The following PTPN14 variants were observed in gnomAD, a reference collection of about 807,000 sequenced individuals.
PTPN14 encodes protein tyrosine phosphatase non-receptor type 14.
A neutral mutation model predicts 126.8 loss-of-function variants in PTPN14; 53 were observed. The ratio of observed to expected loss-of-function variants is 0.42; its 90% CI spans 0.34 to 0.53. The LOEUF is 0.53. Ranked by LOEUF, PTPN14 falls within the 20% of genes least tolerant of loss-of-function variation. The probability of loss-of-function intolerance (pLI) is 0.08; values close to 1 mark genes in which losing one functional copy is unlikely to be tolerated. For missense variants in PTPN14, 1,257 were observed against 1,552.9 expected, an observed-to-expected ratio of 0.81 and a Z score of 3.20; for synonymous variants, 630 against 599.3, an observed-to-expected ratio of 1.05 and a Z score of -0.75.
chr1:214,531,405 T>C (rs1215293065), intron 1 of PTPN14: 1 of 151,890 alleles, frequency 6.6e-6, no homozygotes, highest in African/African-American at 2.4e-5. Flanking sequence ...ATTTTTGACG[T>C]TTCTCCGCCA....
chr1:214,449,038 A>C (rs1660213132), intron 3 of PTPN14, among the ~76,000 whole-genome samples: 1 of 49,356 alleles, frequency 2.0e-5, no homozygotes. Context: ...ACGGAGTCTC[A>C]CTCTTTCGCC....
intron 1 of PTPN14, among the ~76,000 whole-genome samples, chr1:214,503,128 C>T (rs1183291446): frequency 1.3e-5 from 2 of 152,098 alleles, no homozygotes; most frequent in African/African-American, 2.4e-5. Context: ...CATGTCACTA[C>T]AAGCAAATTT....
chr1:214,502,058 CAAA>C (rs60034306), intron 1 of PTPN14, among the ~76,000 whole-genome samples: 9,807 of 70,616 alleles, frequency 0.14, 290 homozygotes, highest in African/African-American at 0.2. Flanking sequence ...GGCTCTGTCT[CAAA>C]AAAAAAAAAA....
intron 1 of PTPN14, chr1:214,528,658 C>G (rs1255767270): frequency 6.6e-6 from 1 of 152,160 alleles, no homozygotes; most frequent in East Asian, 1.9e-4. Context: ...GGGCTGGGCG[C>G]AGTGGCTCAC....
intron 3 of PTPN14, among the ~76,000 whole-genome samples, chr1:214,428,623 T>C (rs1659730310): frequency 6.6e-6 from 1 of 152,198 alleles, no homozygotes. Flanking sequence ...TATTTCCCTC[T>C]GATTTCTATT....
intron 1 of PTPN14, among the ~76,000 whole-genome samples, chr1:214,475,642 AC>A (rs1168066988): frequency 5.9e-5 from 9 of 152,088 alleles, no homozygotes; most frequent in Admixed American, 5.9e-4. Flanking sequence ...AGCTTATTAC[AC>A]CTAAAAATCA....
chr1:214,428,117 T>C (rs1422303506), intron 3 of PTPN14, among the ~76,000 whole-genome samples: 1 of 152,134 alleles, frequency 6.6e-6, no homozygotes. Context: ...TTGTAGACAC[T>C]GGACTGGGAG....
At chr1:214,436,626 T>C (rs938257607) in intron 3 of PTPN14, among the ~76,000 whole-genome samples, 2 of 151,670 alleles carry the variant, frequency 1.3e-5, no homozygotes, top group African/African-American at 4.8e-5. Context: ...TGAAACCCCT[T>C]CTCTAAAAAA....
At chr1:214,512,604 A>G (rs7536247) in intron 1 of PTPN14, among the ~76,000 whole-genome samples, 13,329 of 152,190 alleles carry the variant, frequency 0.088, 1,656 homozygotes, top group African/African-American at 0.28. Flanking sequence ...TGCAAGATGA[A>G]AATTTCTGGA....
intron 1 of PTPN14, among the ~76,000 whole-genome samples, chr1:214,538,835 C>T (rs1655771332): frequency 6.6e-6 from 1 of 152,122 alleles, no homozygotes; most frequent in African/African-American, 2.4e-5. Flanking sequence ...TTCTAGCCTC[C>T]ATAAGCCAAA....
intron 3 of PTPN14, among the ~76,000 whole-genome samples, chr1:214,431,213 T>C (rs761108060): frequency 5.3e-5 from 8 of 152,230 alleles, no homozygotes; most frequent in Non-Finnish European, 1.2e-4. Context: ...TGTCTTTATC[T>C]TCTAAGCAAT....
At chr1:214,505,339 C>T (rs1365682568) in intron 1 of PTPN14, among the ~76,000 whole-genome samples, 2 of 152,028 alleles carry the variant, frequency 1.3e-5, no homozygotes, top group Non-Finnish European at 2.9e-5. Flanking sequence ...GGGGACTACC[C>T]GAGATGGTAA....
chr1:214,436,565 G>A (rs965865238), intron 3 of PTPN14, among the ~76,000 whole-genome samples: 1 of 152,138 alleles, frequency 6.6e-6, no homozygotes, highest in African/African-American at 2.4e-5. Context: ...GGGAGGCTGA[G>A]GCGGGCAGAT....
At chr1:214,369,883 T>C (rs1344002773) in intron 16 of PTPN14, among the ~76,000 whole-genome samples, 192 bp from the exon 17 acceptor site, 1 of 152,156 alleles carries the variant, frequency 6.6e-6, no homozygotes, top group South Asian at 2.1e-4. Flanking sequence ...ACAATGACAG[T>C]TACATCAATG....
At chr1:214,422,439 T>C (rs1337200309) in intron 3 of PTPN14, among the ~76,000 whole-genome samples, 1 of 152,154 alleles carries the variant, frequency 6.6e-6, no homozygotes, top group East Asian at 1.9e-4. Flanking sequence ...AGCTGTCAAC[T>C]ACGGAGCCTC....
intron 1 of PTPN14, among the ~76,000 whole-genome samples, chr1:214,528,048 C>T (rs1655444771): frequency 6.6e-6 from 1 of 152,054 alleles, no homozygotes; most frequent in East Asian, 1.9e-4. Context: ...TTTAAGTCAT[C>T]GATATCTTAA....
chr1:214,357,850 ATGT>A lies in PTPN14; in HGVS notation c.*69_*71del. ...ACCTGCACCCCTGTGGGGGGAGCAG[ATGT>A]TGTCTGGAGGTGACTCTCCTCCAGC... On this transcript the variant is annotated 3_prime_UTR_variant, in exon 19 of 19. Transcript: ENST00000366956. The A allele has an allele frequency of 7.0e-7, 1 of 1,435,274 alleles. No homozygotes were observed. Among genetic ancestry groups the A allele is most frequent in the Non-Finnish European group, 9.7e-7 (1 of 1,030,600 alleles). 88.9% of individuals were successfully genotyped at this position (1,435,274 alleles called of 1,614,324 possible). A position where few individuals can be genotyped will look rare whatever the true frequency, so the allele number is the denominator to read the frequency against.
intron 14 of PTPN14, among the ~76,000 whole-genome samples, chr1:214,377,732 C>G: frequency 6.6e-6 from 1 of 152,050 alleles, no homozygotes; most frequent in East Asian, 1.9e-4. Flanking sequence ...TGGTTTTAGT[C>G]AACCAATGAT....
chr1:214,440,533 C>T (rs759987233), intron 3 of PTPN14, among the ~76,000 whole-genome samples: 5 of 152,184 alleles, frequency 3.3e-5, no homozygotes, highest in Non-Finnish European at 5.9e-5. Context: ...TCTAGCCCTC[C>T]GGAGTGATCT....
Sources: allele counts gnomAD v4.1 joint callset (sites outside exome capture counted in the v4.1 genomes callset), GRCh38; gene constraint gnomAD v4.1.1; transcripts MANE v1.5; gene names NCBI Gene and HGNC (gene_info 2026-07-23, HGNC 2026-07-21).